SH2D4B: variants seen among roughly 807,000 people sequenced by gnomAD.
The protein encoded by SH2D4B is SH2 domain-containing protein 4B.
SH2D4B carries 45 observed loss-of-function variants against 61.5 expected under a neutral mutation model. That is an observed-to-expected ratio of 0.73 (90% CI 0.58 to 0.94). The LOEUF is 0.94. Ranked by LOEUF, SH2D4B falls within the 40% of genes least tolerant of loss-of-function variation. The pLI is 0.00. For missense variants in SH2D4B, 572 were observed against 574.2 expected, an observed-to-expected ratio of 1.00 and a Z score of 0.04; for synonymous variants, 224 against 220.4, an observed-to-expected ratio of 1.02 and a Z score of -0.14.
At chr10:80,572,984 A>ATTTTTTTTTTTTTTTTTT (rs1283153702) in intron 3 of SH2D4B, among the ~76,000 whole-genome samples, 2 of 8,298 alleles carry the variant, frequency 2.4e-4, no homozygotes, top group Non-Finnish European at 4.2e-4. Flanking sequence ...ATATATATAT[A>ATTTTTTTTTTTTTTTTTT]TATTTTTTTT....
chr10:80,563,368 T>C (rs1403433734), intron 1 of SH2D4B, among the ~76,000 whole-genome samples: 1 of 152,194 alleles, frequency 6.6e-6, no homozygotes, highest in African/African-American at 2.4e-5. Flanking sequence ...AGATGTATGG[T>C]TTGCAAATAT....
chr10:80,538,622 A>C lies in SH2D4B; in HGVS notation c.184+107A>C, dbSNP rs1841538342. The stretch of plus-strand genomic sequence containing the variant: ...CTTCAAGATGGGCACTGGGGTGATG[A>C]GGGCTGGGGGCTTGAAACCCTTGTC... On this transcript the variant is annotated intron_variant, in intron 1 of 7. Transcript: ENST00000646907. The surrounding 1 kb of genome is among the most constrained non-coding windows in gnomAD (Gnocchi z 4.8). 3 of 970,862 alleles carry C rather than the reference A, an allele frequency of 3.1e-6. No individual in the cohort carries two copies. The African/African-American group carries it at 5.1e-5, about 16-fold the overall frequency. The allele number at this position is 970,862 out of a possible 1,614,324, so 60.1% of individuals were successfully genotyped here.
chr10:80,603,617 C>A lies in SH2D4B; in HGVS notation c.682C>A (p.Arg228=). The A allele has an allele frequency of 6.3e-7, 1 of 1,581,526 alleles. No individual in the cohort carries two copies. The highest frequency in any genetic ancestry group is 1.2e-5 in the South Asian group (1 of 86,780). ...SKAADEERSR[R]AQRARDEYRH... is the part of the protein sequence containing the mutation. ...GGCGGCTGATGAGGAGAGGAGCCGC[C>A]GAGCCCAGCGCGCCCGGGACGAGTA... The change falls in exon 5 of 8, where the codon CGA becomes AGA. Residue 228 remains arginine, a synonymous_variant. Transcript: ENST00000646907.
chr10:80,637,435 C>G (rs1175338433), intron 7 of SH2D4B, among the ~76,000 whole-genome samples: 2 of 151,968 alleles, frequency 1.3e-5, no homozygotes, highest in African/African-American at 4.8e-5. Flanking sequence ...GAATGTTCTT[C>G]CATTTGTGTC....
rs774776601 is a variant in SH2D4B, at chr10:80,538,317, A to T, written c.-15A>T. ...TGCTGGCTGCCCTTCTGGTGCGTGC[A>T]TCCCAGGTGGCATCATGCTGCAGCA... On this transcript the variant is annotated 5_prime_UTR_variant, in exon 1 of 8. Coordinates refer to ENST00000646907, the MANE Select transcript of SH2D4B (RefSeq NM_001388272.1). The surrounding 1 kb of genome is among the most constrained non-coding windows in gnomAD (Gnocchi z 4.8). 23 of 1,314,546 alleles carry T rather than the reference A, an allele frequency of 1.7e-5. No individual in the cohort carries two copies. The Admixed American group carries it at 4.3e-4, about 25-fold the overall frequency. The allele number at this position is 1,314,546 out of a possible 1,614,324, so 81.4% of individuals were successfully genotyped here.
intron 3 of SH2D4B, among the ~76,000 whole-genome samples, chr10:80,587,022 G>T (rs569257979): frequency 3.0e-4 from 46 of 151,810 alleles, no homozygotes; most frequent in Non-Finnish European, 5.1e-4. Flanking sequence ...AACATCAGAA[G>T]GAACAAACTC....
intron 1 of SH2D4B, among the ~76,000 whole-genome samples, chr10:80,568,745 T>G (rs1842002769): frequency 6.6e-6 from 1 of 152,252 alleles, no homozygotes. Flanking sequence ...GTATTTGTTC[T>G]ATTCCCTTTC....
At chr10:80,555,504 C>T (rs1248545558) in intron 1 of SH2D4B, among the ~76,000 whole-genome samples, 1 of 152,156 alleles carries the variant, frequency 6.6e-6, no homozygotes, top group Non-Finnish European at 1.5e-5. Context: ...CCATTATTGT[C>T]TTTAAACTGA....
At chr10:80,604,889 A>T (rs771701176) in intron 5 of SH2D4B, among the ~76,000 whole-genome samples, 22 of 151,122 alleles carry the variant, frequency 1.5e-4, no homozygotes, top group Non-Finnish European at 5.9e-5. Context: ...CGCCTTCCAG[A>T]TTCACTCCAT....
At chr10:80,642,401 G>T (rs7898195) in intron 7 of SH2D4B, among the ~76,000 whole-genome samples, 1 of 152,170 alleles carries the variant, frequency 6.6e-6, no homozygotes, top group Admixed American at 6.5e-5. Flanking sequence ...GACTTTGGAC[G>T]ACTATTTAGG....
At chr10:80,543,298 G>T (rs1358501583) in intron 1 of SH2D4B, among the ~76,000 whole-genome samples, 2 of 152,142 alleles carry the variant, frequency 1.3e-5, no homozygotes, top group Non-Finnish European at 2.9e-5. Flanking sequence ...CGGGGCCAGC[G>T]CGAGTTCCGG....
intron 3 of SH2D4B, among the ~76,000 whole-genome samples, chr10:80,580,243 G>C (rs1401786186): frequency 6.6e-6 from 1 of 152,184 alleles, no homozygotes; most frequent in Admixed American, 6.5e-5. Flanking sequence ...CCCAGCTTCT[G>C]GTCAGAAGCT....
chr10:80,538,715 G>A lies in SH2D4B; in HGVS notation c.184+200G>A, dbSNP rs1275962657. Among the ~76,000 whole-genome samples, 1 of 152,234 alleles carries A rather than the reference G, an allele frequency of 6.6e-6. No homozygotes were observed. The highest frequency in any genetic ancestry group is 2.4e-5 in the African/African-American group (1 of 41,466). On this transcript the variant is annotated intron_variant, in intron 1 of 7. Transcript: ENST00000646907. The surrounding 1 kb of genome is among the most constrained non-coding windows in gnomAD (Gnocchi z 4.8). ...GCCAGGACCTTAGGGCTTCGAGGCT[G>A]CTGCAGAGGCTGTCCAGCGGCCCTT...
chr10:80,579,966 C>T (rs905362058), intron 3 of SH2D4B, among the ~76,000 whole-genome samples: 4 of 152,204 alleles, frequency 2.6e-5, no homozygotes, highest in Admixed American at 1.3e-4. Flanking sequence ...ATAACTCATT[C>T]ACTTCTCTGG....
intron 7 of SH2D4B, among the ~76,000 whole-genome samples, chr10:80,641,389 T>C (rs1249777901): frequency 1.3e-5 from 2 of 152,244 alleles, no homozygotes; most frequent in East Asian, 3.8e-4. Flanking sequence ...AGCTATGCCC[T>C]GCTCACAGAG....
Position 80,603,667 on chromosome 10 carries a change from C to T in SH2D4B, c.732C>T (p.Ile244=), listed in dbSNP as rs1217062425. The change falls in exon 5 of 8, where the codon ATC becomes ATT. Residue 244 remains isoleucine (I), a synonymous_variant. Coordinates refer to ENST00000646907, the MANE Select transcript of SH2D4B (RefSeq NM_001388272.1). Reference sequence around the variant, plus strand: ...ACCGACACCACTCGCTCCGTGCTATCCAGAAGGGCACGGTCGCTGGCCTCA... The same window carrying T: ...ACCGACACCACTCGCTCCGTGCTATTCAGAAGGGCACGGTCGCTGGCCTCA... The part of the protein sequence containing the change: ...DEYRHHSLRA[I]QKGTVAGLSS... 1 of 1,609,712 alleles carries T rather than the reference C, an allele frequency of 6.2e-7. No individual in the cohort carries two copies. The highest frequency in any genetic ancestry group is 8.5e-7 in the Non-Finnish European group (1 of 1,178,492).
intron 3 of SH2D4B, among the ~76,000 whole-genome samples, chr10:80,578,919 A>G (rs540035530): frequency 6.6e-6 from 1 of 152,306 alleles, no homozygotes; most frequent in African/African-American, 2.4e-5. Context: ...GGCATCAATT[A>G]GATGTTGGGA....
intron 3 of SH2D4B, among the ~76,000 whole-genome samples, chr10:80,572,986 A>ATATGTATT (rs1564772012): frequency 1.1e-4 from 1 of 8,874 alleles, no homozygotes; most frequent in African/African-American, 3.7e-4. Context: ...ATATATATAT[A>ATATGTATT]TTTTTTTTTT....
chr10:80,595,549 T>G (rs555113555), intron 4 of SH2D4B, among the ~76,000 whole-genome samples: 1 of 152,364 alleles, frequency 6.6e-6, no homozygotes, highest in Admixed American at 6.5e-5. Context: ...TCAACACTAT[T>G]GCCCTGGCCT....
Sources: gnomAD v4.1 joint callset for allele counts (sites outside exome capture counted in the v4.1 genomes callset) on GRCh38, gnomAD v4.1.1 for gene constraint, Gnocchi (gnomAD v3.1) non-coding constraint, MANE v1.5 for transcripts, NCBI Gene and HGNC (gene_info 2026-07-23, HGNC 2026-07-21) for gene names.